The following TNR variants were observed in gnomAD, a reference collection of about 807,000 sequenced individuals.
The protein encoded by TNR is tenascin-R.
Under a neutral mutation model 150.4 loss-of-function variants are expected in TNR, and 45 were observed. The ratio of observed to expected loss-of-function variants is 0.30; its 90% CI spans 0.24 to 0.38. TNR has a LOEUF of 0.38. Ranked by LOEUF, TNR falls within the 10% of genes least tolerant of loss-of-function variation. The pLI is 1.00. For missense variants in TNR, 1,544 were observed against 1,759.1 expected, an observed-to-expected ratio of 0.88 and a Z score of 2.19; for synonymous variants, 687 against 678.4, an observed-to-expected ratio of 1.01 and a Z score of -0.20.
chr1:175,479,696 C>A (rs1000408954), intron 2 of TNR, among the ~76,000 whole-genome samples: 1 of 152,088 alleles, frequency 6.6e-6, no homozygotes, highest in Non-Finnish European at 1.5e-5. Flanking sequence ...TCACTGATTA[C>A]TCACTCACAG....
At chr1:175,655,437 G>A (rs1253790057) in intron 1 of TNR, among the ~76,000 whole-genome samples, 1 of 152,216 alleles carries the variant, frequency 6.6e-6, no homozygotes, top group African/African-American at 2.4e-5. Context: ...CTAAGGCTCA[G>A]AGAGGCTGTA....
intron 1 of TNR, among the ~76,000 whole-genome samples, chr1:175,539,372 C>T (rs769673932): frequency 2.6e-5 from 4 of 152,326 alleles, no homozygotes; most frequent in Admixed American, 2.0e-4. Flanking sequence ...GACATGTCCA[C>T]ATGGTTTTGC....
intron 18 of TNR, among the ~76,000 whole-genome samples, chr1:175,340,880 T>TCCTCTTTCCCTCTCCC: frequency 6.6e-6 from 1 of 152,042 alleles, no homozygotes; most frequent in South Asian, 2.1e-4. Context: ...CCCCCTTTCC[T>TCCTCTTTCCCTCTCCC]CCTCTTTCCC....
chr1:175,692,019 C>T (rs1031750081), intron 1 of TNR, among the ~76,000 whole-genome samples: 1 of 152,158 alleles, frequency 6.6e-6, no homozygotes. Flanking sequence ...TAATTAAGTT[C>T]AATTTTGCAC....
intron 2 of TNR, among the ~76,000 whole-genome samples, chr1:175,512,782 G>T (rs1344393959): frequency 6.6e-6 from 1 of 152,198 alleles, no homozygotes; most frequent in Non-Finnish European, 1.5e-5. Context: ...AAACGCATTA[G>T]TTCCTGGGGT....
chr1:175,702,203 G>A (rs1322621092), intron 1 of TNR, among the ~76,000 whole-genome samples: 7 of 152,078 alleles, frequency 4.6e-5, no homozygotes, highest in African/African-American at 7.2e-5. Flanking sequence ...CTGGGACCCC[G>A]CTCTGCAATT....
At chr1:175,706,902 C>T (rs1229012201) in intron 1 of TNR, among the ~76,000 whole-genome samples, 1 of 152,130 alleles carries the variant, frequency 6.6e-6, no homozygotes, top group East Asian at 1.9e-4. Flanking sequence ...CTCCATGTGT[C>T]CTGGAGGTCC....
At chr1:175,685,940 CT>C (rs1666184048) in intron 1 of TNR, among the ~76,000 whole-genome samples, 1 of 151,864 alleles carries the variant, frequency 6.6e-6, no homozygotes, top group Admixed American at 6.6e-5. Context: ...GAGAAGTGGC[CT>C]TAAACAAATG....
At chr1:175,717,960 A>AAGG (rs1456548599) in intron 1 of TNR, among the ~76,000 whole-genome samples, 5 of 152,222 alleles carry the variant, frequency 3.3e-5, no homozygotes, top group African/African-American at 4.8e-5. Context: ...CTCCAGGGAC[A>AAGG]AGGACTGAGC....
At chr1:175,506,855 G>T (rs1658976591) in intron 2 of TNR, among the ~76,000 whole-genome samples, 1 of 152,228 alleles carries the variant, frequency 6.6e-6, no homozygotes. Flanking sequence ...CCCACTCTGG[G>T]CCAGGCCTCA....
At position 175,356,305 on chromosome 1, in the gene TNR, G is replaced by A; in HGVS notation, c.3118+14C>T. 6.2e-7 allele frequency: 1 copy of A among 1,613,764 alleles called. No individual in the cohort carries two copies. The highest frequency in any genetic ancestry group is 8.5e-7 in the Non-Finnish European group (1 of 1,179,822). ...TCCCCAGGGATACGGGTATGTAGGT[G>A]ACCATGTACTCACGAGTAGAAAAGT... On this transcript the variant is annotated intron_variant, in intron 16 of 22. Transcript: ENST00000367674.
intron 14 of TNR, among the ~76,000 whole-genome samples, chr1:175,361,385 T>C (rs1343407522): frequency 6.6e-6 from 1 of 152,222 alleles, no homozygotes; most frequent in Non-Finnish European, 1.5e-5. Context: ...TTTGGTGTAT[T>C]GGACCTCACT....
intron 7 of TNR, among the ~76,000 whole-genome samples, chr1:175,390,337 C>G (rs1357376941): frequency 1.3e-5 from 2 of 152,222 alleles, no homozygotes; most frequent in Admixed American, 6.5e-5. Flanking sequence ...ATGAAAAACA[C>G]ATAAAGCTGT....
intron 2 of TNR, among the ~76,000 whole-genome samples, chr1:175,469,644 G>A (rs546424741): frequency 4.9e-4 from 75 of 152,056 alleles, no homozygotes; most frequent in African/African-American, 1.6e-3. Flanking sequence ...GGGACGGGGA[G>A]GAGGAGATGA....
chr1:175,622,544 C>A (rs1664014228), intron 1 of TNR, among the ~76,000 whole-genome samples: 1 of 152,198 alleles, frequency 6.6e-6, no homozygotes, highest in African/African-American at 2.4e-5. Context: ...TATCCACGTG[C>A]CACTCACACC....
intron 1 of TNR, among the ~76,000 whole-genome samples, chr1:175,709,126 T>C (rs1449105676): frequency 3.9e-5 from 6 of 152,114 alleles, no homozygotes; most frequent in Admixed American, 1.3e-4. Context: ...GCCTTCTATT[T>C]GTTCAGTGCT....
chr1:175,573,325 C>A (rs189507178), intron 1 of TNR, among the ~76,000 whole-genome samples: 63 of 152,332 alleles, frequency 4.1e-4, no homozygotes, highest in East Asian at 2.3e-3. Flanking sequence ...CAGAGCCCTG[C>A]GGCTTTTCCA....
chr1:175,400,364 G>A (rs1653647760), intron 4 of TNR, among the ~76,000 whole-genome samples: 1 of 152,202 alleles, frequency 6.6e-6, no homozygotes, highest in Non-Finnish European at 1.5e-5. Flanking sequence ...CTGGCTCTGG[G>A]AAAATCTGTC....
chr1:175,524,251 A>G (rs1423782428), intron 2 of TNR, among the ~76,000 whole-genome samples: 1 of 152,100 alleles, frequency 6.6e-6, no homozygotes, highest in Non-Finnish European at 1.5e-5. Flanking sequence ...TATATGCTAC[A>G]TGCATGTCTG....
Sources: allele counts gnomAD v4.1 joint callset (sites outside exome capture counted in the v4.1 genomes callset), GRCh38; gene constraint gnomAD v4.1.1; transcripts MANE v1.5; gene names NCBI Gene and HGNC (gene_info 2026-07-23, HGNC 2026-07-21).